The following CHIC2 variants were observed in gnomAD, a reference collection of about 807,000 sequenced individuals.
CHIC2 encodes cysteine rich hydrophobic domain 2, also known as cysteine-rich hydrophobic domain-containing protein 2.
In CHIC2, 14 loss-of-function variants were observed where a neutral mutation model predicts 25.9. The observed-to-expected ratio is 0.54, with a 90% CI of 0.36 to 0.85. The LOEUF is 0.85. CHIC2 is among the 40% of genes least tolerant of loss of function. The probability of loss-of-function intolerance (pLI) is 0.01; values close to 1 mark genes in which losing one functional copy is unlikely to be tolerated. For missense variants in CHIC2, 146 were observed against 202.0 expected (o/e 0.72, Z 1.68); for synonymous variants, 70 against 72.0 (o/e 0.97, Z 0.14).
chr4:54,020,797 A>T (rs1715873843), intron 3 of CHIC2, among the ~76,000 whole-genome samples: 1 of 152,196 alleles, frequency 6.6e-6, no homozygotes, highest in African/African-American at 2.4e-5. Context: ...CGCCAGTCAC[A>T]GACTCGGGAA....
At chr4:54,021,251 G>A (rs778409843) in intron 3 of CHIC2, among the ~76,000 whole-genome samples, 12 of 151,984 alleles carry the variant, frequency 7.9e-5, no homozygotes, top group Middle Eastern at 3.2e-3. Context: ...AATTTTTGTC[G>A]AAAAATGGGC....
At chr4:54,013,004 A>G (rs1157113449) in intron 5 of CHIC2, among the ~76,000 whole-genome samples, 1 of 152,100 alleles carries the variant, frequency 6.6e-6, no homozygotes, top group Non-Finnish European at 1.5e-5. Context: ...AGAATAGACA[A>G]AATTCCTCAG....
the CHIC2 span, chr4:54,087,062 GA>G: frequency 1.8e-6 from 2 of 1,114,550 alleles, no homozygotes; most frequent in African/African-American, 1.5e-5. Flanking sequence ...GTCCACAGCA[GA>G]AAAATCTTGA....
the CHIC2 span, chr4:54,076,561 A>G: frequency 6.6e-6 from 1 of 152,240 alleles, no homozygotes; most frequent in African/African-American, 2.4e-5. Flanking sequence ...GATGATATTT[A>G]AGAAACTGGG....
At chr4:54,025,097 T>C (rs892188094) in intron 3 of CHIC2, among the ~76,000 whole-genome samples, 1 of 151,920 alleles carries the variant, frequency 6.6e-6, no homozygotes, top group African/African-American at 2.4e-5. Flanking sequence ...ATTTTTCTTA[T>C]TAATATAAGA....
Position 54,064,570 on chromosome 4 carries a change from G to C in CHIC2, c.-270C>G. 1.8e-5 allele frequency: 23 copies of C among 1,269,438 alleles called. No individual in the cohort carries two copies. Among genetic ancestry groups the C allele is most frequent in the Non-Finnish European group, 2.2e-5 (22 of 1,007,480 alleles). The allele number at this position is 1,269,438 out of a possible 1,614,324, so 78.6% of individuals were successfully genotyped here. A position where few individuals can be genotyped will look rare whatever the true frequency, so the allele number is the denominator to read the frequency against. ...CGACACCTCCACAAGCACAGACGCC[G>C]CTGCCGCCGCCGCAGCAGCAGCAAC... is the stretch of plus-strand genomic sequence containing the variant. On this transcript the variant is annotated 5_prime_UTR_variant, in exon 1 of 6. Transcript: ENST00000263921. This position sits in a 1 kb window ranked among gnomAD's most constrained non-coding sequence, Gnocchi z 4.2.
the CHIC2 span, among the ~76,000 whole-genome samples, chr4:54,083,019 T>TTTTTG: frequency 8.6e-5 from 5 of 58,350 alleles, no homozygotes; most frequent in Non-Finnish European, 1.4e-4. Flanking sequence ...TCTTTCTTTC[T>TTTTTG]TTTTTTTTTT....
At chr4:54,015,656 C>T (rs1715716636) in intron 3 of CHIC2, among the ~76,000 whole-genome samples, 1 of 152,152 alleles carries the variant, frequency 6.6e-6, no homozygotes. Context: ...AGAACATGAT[C>T]TAACTGCTTT....
chr4:54,034,002 T>C (rs1716308675), intron 3 of CHIC2, among the ~76,000 whole-genome samples: 1 of 152,024 alleles, frequency 6.6e-6, no homozygotes, highest in Admixed American at 6.6e-5. Context: ...CTGTATTCCA[T>C]ATGAATTTTA....
intron 3 of CHIC2, among the ~76,000 whole-genome samples, chr4:54,047,055 T>C (rs375493309): frequency 6.6e-6 from 1 of 152,108 alleles, no homozygotes; most frequent in Non-Finnish European, 1.5e-5. Context: ...AAAATGCTCA[T>C]CATCACTGGC....
intron 3 of CHIC2, among the ~76,000 whole-genome samples, chr4:54,043,721 A>G (rs1329303273): frequency 6.6e-6 from 1 of 152,172 alleles, no homozygotes; most frequent in Non-Finnish European, 1.5e-5. Flanking sequence ...AAAGACCATC[A>G]AAGCTAGGAA....
chr4:54,064,671 C>A, upstream of CHIC2: 5 of 1,035,096 alleles, frequency 4.8e-6, no homozygotes, highest in Non-Finnish European at 5.8e-6. This position sits in a 1 kb window ranked among gnomAD's most constrained non-coding sequence, Gnocchi z 4.2. Flanking sequence ...CTTCCCGGGC[C>A]AACGGGCGGG....
At chr4:54,027,965 A>G (rs1008766045) in intron 3 of CHIC2, among the ~76,000 whole-genome samples, 1 of 152,194 alleles carries the variant, frequency 6.6e-6, no homozygotes, top group Non-Finnish European at 1.5e-5. Flanking sequence ...TGGTTGTCCA[A>G]CTATAACTTT....
At chr4:54,087,100 T>C in the CHIC2 span, 99 of 980,508 alleles carry the variant, frequency 1.0e-4, no homozygotes, top group African/African-American at 1.5e-3. Context: ...AGATGTGGGG[T>C]CGCTCTGCAG....
chr4:54,018,855 G>A (rs993778509), intron 3 of CHIC2, among the ~76,000 whole-genome samples: 1 of 151,876 alleles, frequency 6.6e-6, no homozygotes, highest in African/African-American at 2.4e-5. Flanking sequence ...AAATGGGAAA[G>A]CAAAATTTCA....
intron 3 of CHIC2, among the ~76,000 whole-genome samples, chr4:54,033,679 T>C (rs544988672): frequency 2.6e-5 from 4 of 152,306 alleles, no homozygotes; most frequent in South Asian, 2.1e-4. Context: ...AGTTAAACTT[T>C]CTATTAATAT....
At chr4:54,047,240 G>A (rs1276678675) in intron 3 of CHIC2, among the ~76,000 whole-genome samples, 3 of 152,166 alleles carry the variant, frequency 2.0e-5, no homozygotes, top group African/African-American at 4.8e-5. Flanking sequence ...AGTCAGTGTG[G>A]CGATTCCTCA....
chr4:54,012,963 G>A (rs779644333), intron 5 of CHIC2, among the ~76,000 whole-genome samples: 41 of 151,892 alleles, frequency 2.7e-4, no homozygotes, highest in African/African-American at 3.9e-4. Flanking sequence ...ACATACACAC[G>A]CACACATCTA....
chr4:54,010,732 A>G (rs1560378985), intron 5 of CHIC2, among the ~76,000 whole-genome samples: 1 of 152,070 alleles, frequency 6.6e-6, no homozygotes, highest in African/African-American at 2.4e-5. Flanking sequence ...AGCTCACCCA[A>G]CATTTTTCTT....
Sources: allele counts gnomAD v4.1 joint callset (sites outside exome capture counted in the v4.1 genomes callset), GRCh38; gene constraint gnomAD v4.1.1; non-coding constraint Gnocchi (gnomAD v3.1); transcripts MANE v1.5; gene names NCBI Gene and HGNC (gene_info 2026-07-23, HGNC 2026-07-21).